GALNTL6: variants seen among roughly 807,000 people sequenced by gnomAD.
The protein encoded by GALNTL6 is polypeptide N-acetylgalactosaminyltransferase like 6, also known as polypeptide N-acetylgalactosaminyltransferase-like 6.
A neutral mutation model predicts 73.7 loss-of-function variants in GALNTL6; 46 were observed. The observed-to-expected ratio is 0.62, with a 90% CI of 0.49 to 0.80. GALNTL6 has a LOEUF of 0.80. GALNTL6 is among the 30% of genes least tolerant of loss of function. The pLI, the probability that GALNTL6 is intolerant of heterozygous loss-of-function variation, is 0.00. For synonymous variants in GALNTL6, 259 were observed against 263.7 expected, an observed-to-expected ratio of 0.98 and a Z score of 0.17; for missense variants, 604 against 755.0, an observed-to-expected ratio of 0.80 and a Z score of 2.34.
intron 5 of GALNTL6, among the ~76,000 whole-genome samples, chr4:172,375,569 A>G (rs1486982077): frequency 5.3e-5 from 8 of 152,166 alleles, no homozygotes; most frequent in Admixed American, 5.2e-4. Context: ...GCACTCACCA[A>G]CACAGCAGCA....
intron 5 of GALNTL6, among the ~76,000 whole-genome samples, chr4:172,708,301 G>A (rs935037666): frequency 3.9e-5 from 6 of 152,134 alleles, no homozygotes; most frequent in Admixed American, 2.0e-4. Flanking sequence ...CAAGTAATCC[G>A]CCCAACTTAG....
chr4:171,853,012 A>ATTTTTTTTTTTTTTTTTT (rs765984611), intron 2 of GALNTL6, among the ~76,000 whole-genome samples: 26 of 86,832 alleles, frequency 3.0e-4, no homozygotes, highest in Non-Finnish European at 3.8e-4. Flanking sequence ...CGCCCGGCTA[A>ATTTTTTTTTTTTTTTTTT]TTTTTTTTTT....
At chr4:172,036,882 C>T (rs931147297) in intron 2 of GALNTL6, among the ~76,000 whole-genome samples, 1 of 152,110 alleles carries the variant, frequency 6.6e-6, no homozygotes, top group African/African-American at 2.4e-5. Flanking sequence ...GGGGACTATT[C>T]TGTCAGCACT....
intron 5 of GALNTL6, chr4:172,669,194 A>G (rs1295972389): frequency 6.6e-6 from 1 of 152,156 alleles, no homozygotes; most frequent in African/African-American, 2.4e-5. Context: ...AAGATTTTAA[A>G]ATAGTGACCA....
chr4:171,888,259 A>G (rs955950778), intron 2 of GALNTL6, among the ~76,000 whole-genome samples: 1 of 151,644 alleles, frequency 6.6e-6, no homozygotes, highest in African/African-American at 2.4e-5. Context: ...ATAAGCTTCA[A>G]TGTTAAAAAA....
chr4:172,075,253 T>C (rs776458792), intron 2 of GALNTL6, among the ~76,000 whole-genome samples: 4 of 152,182 alleles, frequency 2.6e-5, no homozygotes, highest in African/African-American at 7.2e-5. Context: ...TTAAATATTA[T>C]AGGATTTTTT....
intron 11 of GALNTL6, among the ~76,000 whole-genome samples, chr4:173,016,297 A>T (rs1441675921): frequency 4.6e-5 from 7 of 152,296 alleles, no homozygotes; most frequent in Admixed American, 2.0e-4. Flanking sequence ...GAAGAGGGCC[A>T]CCATCCTCCA....
intron 7 of GALNTL6, among the ~76,000 whole-genome samples, chr4:172,831,307 T>C (rs761686565): frequency 7.3e-5 from 11 of 151,230 alleles, no homozygotes; most frequent in Non-Finnish European, 1.6e-4. Context: ...AGCACAGTAA[T>C]AGATGAGGAA....
chr4:172,623,706 A>G (rs992217561), intron 5 of GALNTL6, among the ~76,000 whole-genome samples: 7 of 152,134 alleles, frequency 4.6e-5, no homozygotes, highest in Admixed American at 4.6e-4. Context: ...ACATTCTACC[A>G]TGGCCAGAAT....
intron 5 of GALNTL6, among the ~76,000 whole-genome samples, chr4:172,665,294 G>C (rs748182143): frequency 5.9e-5 from 9 of 152,136 alleles, no homozygotes; most frequent in Non-Finnish European, 1.0e-4. Context: ...CACACTGATG[G>C]ATATTTCATG....
At chr4:172,130,181 A>ATTT (rs34151025) in intron 2 of GALNTL6, among the ~76,000 whole-genome samples, 14 of 130,220 alleles carry the variant, frequency 1.1e-4, no homozygotes, top group African/African-American at 3.2e-4. Flanking sequence ...TCATTACAGA[A>ATTT]TTTTTTTTTT....
intron 2 of GALNTL6, among the ~76,000 whole-genome samples, chr4:172,018,427 G>C (rs951933430): frequency 6.6e-6 from 1 of 152,054 alleles, no homozygotes; most frequent in Non-Finnish European, 1.5e-5. Flanking sequence ...GTTTTCTGGG[G>C]TAATGTTCCA....
chr4:172,152,721 A>T (rs1734138626), intron 2 of GALNTL6, among the ~76,000 whole-genome samples: 1 of 152,094 alleles, frequency 6.6e-6, no homozygotes, highest in South Asian at 2.1e-4. Flanking sequence ...TGCTCCTCCC[A>T]GCTCAGCCTC....
intron 8 of GALNTL6, among the ~76,000 whole-genome samples, chr4:172,913,863 C>CAACAT (rs1323204567): frequency 1.3e-5 from 2 of 152,080 alleles, no homozygotes; most frequent in African/African-American, 4.8e-5. Context: ...CAAGGCAGGC[C>CAACAT]AACATTCAAA....
chr4:172,053,339 C>T (rs1730932982), intron 2 of GALNTL6, among the ~76,000 whole-genome samples: 1 of 152,050 alleles, frequency 6.6e-6, no homozygotes. Context: ...TATCCCCAGT[C>T]ATTATAGTCA....
intron 8 of GALNTL6, among the ~76,000 whole-genome samples, chr4:172,898,546 T>C (rs1316569117): frequency 2.0e-5 from 3 of 152,136 alleles, no homozygotes; most frequent in Non-Finnish European, 4.4e-5. Context: ...TCTTGCAACA[T>C]TTCCCATACA....
chr4:172,160,967 G>A (rs945566359), intron 2 of GALNTL6, among the ~76,000 whole-genome samples: 5 of 150,690 alleles, frequency 3.3e-5, no homozygotes, highest in Admixed American at 6.6e-5. Context: ...CTTAATGCAC[G>A]TTTGAACATT....
At chr4:171,834,153 C>T (rs1310620678) in intron 2 of GALNTL6, among the ~76,000 whole-genome samples, 1 of 151,862 alleles carries the variant, frequency 6.6e-6, no homozygotes, top group East Asian at 1.9e-4. Flanking sequence ...AACATTAATG[C>T]TTATATTTCA....
chr4:173,028,379 T>C lies in GALNTL6; in HGVS notation c.1638+6754T>C, dbSNP rs576117242. Reference sequence around the variant, plus strand: ...TTTGAAAGGTCCCGAGAGATTCTAATAGACAGTCAGATGGAGAATCACTTT... The same window carrying C: ...TTTGAAAGGTCCCGAGAGATTCTAACAGACAGTCAGATGGAGAATCACTTT... On this transcript the variant is annotated intron_variant, in intron 12 of 12. Transcript: ENST00000506823. Among the ~76,000 whole-genome samples, 14 of 152,320 alleles carry C rather than the reference T, an allele frequency of 9.2e-5. 1 individual carries two copies. The Middle Eastern group carries it at 0.014, about 148-fold the overall frequency.
Sources: allele counts gnomAD v4.1 joint callset (sites outside exome capture counted in the v4.1 genomes callset), GRCh38; gene constraint gnomAD v4.1.1; transcripts MANE v1.5; gene names NCBI Gene and HGNC (gene_info 2026-07-23, HGNC 2026-07-21).